The following EYS variants were observed in gnomAD, a reference collection of about 807,000 sequenced individuals.
The protein encoded by EYS is protein eyes shut homolog.
EYS carries 250 observed loss-of-function variants against 282.1 expected under a neutral mutation model. The ratio of observed to expected loss-of-function variants is 0.89; its 90% CI spans 0.80 to 0.98. The LOEUF (loss-of-function observed/expected upper bound fraction) is 0.98, where lower values mean the gene tolerates loss of function less well. EYS is among the 50% of genes least tolerant of loss of function. EYS has a pLI of 0.00. For missense variants in EYS, 4,016 were observed against 3,709.0 expected (o/e 1.08, Z -2.15); for synonymous variants, 1,355 against 1,282.9 (o/e 1.06, Z -1.20).
intron 19 of EYS, among the ~76,000 whole-genome samples, chr6:64,854,604 AGG>A (rs1180856448): frequency 1.6e-3 from 44 of 27,700 alleles, no homozygotes; most frequent in African/African-American, 6.5e-3. Flanking sequence ...GGGTGGGGGG[AGG>A]GGGGAGGGAT....
At chr6:64,695,931 AT>A in intron 22 of EYS, among the ~76,000 whole-genome samples, 1 of 152,336 alleles carries the variant, frequency 6.6e-6, no homozygotes, top group South Asian at 2.1e-4. Flanking sequence ...AATCAATGTC[AT>A]AATACTGGAA....
chr6:64,886,648 G>T (rs1000135349), intron 19 of EYS, 49 bp downstream of exon 19: 12 of 1,431,262 alleles, frequency 8.4e-6, no homozygotes, highest in Non-Finnish European at 1.1e-5. Flanking sequence ...GTTTCTATTT[G>T]CTTGCAGACA....
At chr6:65,049,238 T>C (rs77084378) in intron 13 of EYS, among the ~76,000 whole-genome samples, 2 of 151,816 alleles carry the variant, frequency 1.3e-5, no homozygotes, top group East Asian at 3.9e-4. Context: ...GGGTGACAGT[T>C]CTGGTTTGAA....
At chr6:64,889,779 A>G (rs1475152561) in intron 18 of EYS, among the ~76,000 whole-genome samples, 2 of 152,016 alleles carry the variant, frequency 1.3e-5, no homozygotes, top group Non-Finnish European at 2.9e-5. Context: ...GGACCTTGTG[A>G]TAATTGCATT....
chr6:64,903,079 C>T (rs1767715917), intron 16 of EYS, among the ~76,000 whole-genome samples: 1 of 151,796 alleles, frequency 6.6e-6, no homozygotes, highest in African/African-American at 2.4e-5. Flanking sequence ...ATTATTTCAA[C>T]ACATTTGTGT....
In EYS at chr6:63,865,463, C is replaced by CTT. The variant is rs5876871; in HGVS notation, c.7056-1107_7056-1106dup. On this transcript the variant is annotated intron_variant, in intron 35 of 42. Transcript: ENST00000503581. ...GTTAAAGAATTCCATTTAATCTTTTCTTTTTTTTTTTGCTCTCTTATTACA... is the reference window on the plus strand; with the variant it reads ...GTTAAAGAATTCCATTTAATCTTTTCTTTTTTTTTTTTTGCTCTCTTATTACA... Among the ~76,000 whole-genome samples, 404 of 147,208 alleles carry CTT rather than the reference C, an allele frequency of 2.7e-3. 9 individuals carry two copies. The East Asian group carries it at 0.031, about 11-fold the overall frequency.
At chr6:64,135,390 A>G (rs1774126522) in intron 31 of EYS, among the ~76,000 whole-genome samples, 1 of 152,078 alleles carries the variant, frequency 6.6e-6, no homozygotes, top group Non-Finnish European at 1.5e-5. Flanking sequence ...TCAAAATTTT[A>G]TTTAGAAATA....
chr6:65,629,699 T>A, intron 2 of EYS, among the ~76,000 whole-genome samples: 1 of 152,082 alleles, frequency 6.6e-6, no homozygotes, highest in East Asian at 1.9e-4. Flanking sequence ...CCTTCAGGTT[T>A]CCTCCTGTCT....
intron 29 of EYS, among the ~76,000 whole-genome samples, chr6:64,309,933 C>T (rs1769611432): frequency 6.7e-6 from 1 of 149,398 alleles, no homozygotes; most frequent in South Asian, 2.1e-4. Flanking sequence ...CCACTGCCCT[C>T]CAGCCTGGTG....
At chr6:65,563,681 G>A (rs1366301610) in intron 2 of EYS, among the ~76,000 whole-genome samples, 1 of 152,040 alleles carries the variant, frequency 6.6e-6, no homozygotes, top group Non-Finnish European at 1.5e-5. Flanking sequence ...TTAAAACTGT[G>A]AATCAGATTC....
chr6:64,707,316 T>C (rs1771056091), intron 22 of EYS, among the ~76,000 whole-genome samples: 1 of 152,030 alleles, frequency 6.6e-6, no homozygotes, highest in African/African-American at 2.4e-5. Flanking sequence ...GGTATAAGAA[T>C]AATACAATGG....
chr6:65,332,410 G>A (rs1339704069), intron 11 of EYS: 1 of 1,362,884 alleles, frequency 7.3e-7, no homozygotes, highest in East Asian at 2.5e-5. Flanking sequence ...ACCGTGTTGA[G>A]GATTCTTCTG....
chr6:64,825,148 T>TA (rs1765013802), intron 19 of EYS, among the ~76,000 whole-genome samples: 2 of 152,026 alleles, frequency 1.3e-5, no homozygotes, highest in Admixed American at 1.3e-4. Context: ...ATTCCCTTTC[T>TA]AAAAAATCTC....
At position 63,974,966 on chromosome 6, in the gene EYS, G is replaced by A. The variant is rs138103053; in HGVS notation, c.7055+9417C>T. Among the ~76,000 whole-genome samples, 763 of 151,896 alleles carry A rather than the reference G, an allele frequency of 5.0e-3. 7 individuals carry two copies. The highest frequency in any genetic ancestry group is 0.016 in the African/African-American group (684 of 41,480). ...ACACTTAAACATTGGTAAGAGTTACGCTCTTCAAATATGTGATCCACTTTT... is the reference window on the plus strand; with the variant it reads ...ACACTTAAACATTGGTAAGAGTTACACTCTTCAAATATGTGATCCACTTTT... On this transcript the variant is annotated intron_variant, in intron 35 of 42. Transcript: ENST00000503581.
chr6:64,839,208 A>G (rs1765486263), intron 19 of EYS, among the ~76,000 whole-genome samples: 1 of 152,076 alleles, frequency 6.6e-6, no homozygotes, highest in African/African-American at 2.4e-5. Context: ...CTATAAATAC[A>G]ATGAAAATCG....
chr6:65,474,386 G>T lies in EYS; in HGVS notation c.862+16208C>A, dbSNP rs139797421. 3.4e-3 allele frequency among the ~76,000 whole-genome samples: 517 copies of T among 152,114 alleles called. 15 individuals are homozygous for T. Among genetic ancestry groups the T allele is most frequent in the East Asian group, 0.025 (129 of 5,164 alleles). ...TTCAGCAAAATTTCCAACCAAAATT[G>T]GTCTTACAGACCTTTCTCTACCCCT... On this transcript the variant is annotated intron_variant, in intron 5 of 42. Coordinates refer to ENST00000503581, the MANE Select transcript of EYS (RefSeq NM_001142800.2).
intron 22 of EYS, chr6:64,631,815 C>A (rs1250267806): frequency 1.3e-5 from 2 of 151,924 alleles, no homozygotes; most frequent in South Asian, 4.1e-4. Flanking sequence ...ATTTTCATCC[C>A]CCACAATCTA....
intron 35 of EYS, among the ~76,000 whole-genome samples, chr6:63,931,598 A>G (rs1257153913): frequency 1.3e-5 from 2 of 152,166 alleles, no homozygotes; most frequent in Non-Finnish European, 2.9e-5. Context: ...CCCCAAATCT[A>G]TGTGTCAACC....
chr6:64,116,013 A>T (rs1773370168), intron 31 of EYS, among the ~76,000 whole-genome samples: 1 of 152,114 alleles, frequency 6.6e-6, no homozygotes, highest in East Asian at 1.9e-4. Context: ...TAACCCAACA[A>T]AATCGGAAAA....
Sources: gnomAD v4.1 joint callset for allele counts (sites outside exome capture counted in the v4.1 genomes callset) on GRCh38, gnomAD v4.1.1 for gene constraint, MANE v1.5 for transcripts, NCBI Gene and HGNC (gene_info 2026-07-23, HGNC 2026-07-21) for gene names.